The following RABGAP1L variants were observed in gnomAD, a reference collection of about 807,000 sequenced individuals.
RABGAP1L encodes rab GTPase-activating protein 1-like.
Under a neutral mutation model 137.7 loss-of-function variants are expected in RABGAP1L, and 63 were observed. The ratio of observed to expected loss-of-function variants is 0.46; its 90% confidence interval spans 0.37 to 0.56. RABGAP1L has a LOEUF of 0.56. Ranked by LOEUF, RABGAP1L falls within the 20% of genes least tolerant of loss-of-function variation. The pLI, the probability that RABGAP1L is intolerant of heterozygous loss-of-function variation, is 0.00. For missense variants in RABGAP1L, 1,095 were observed against 1,244.0 expected (o/e 0.88, Z 1.80); for synonymous variants, 431 against 433.7 (o/e 0.99, Z 0.08).
chr1:174,667,238 T>C (rs114369566), intron 14 of RABGAP1L, among the ~76,000 whole-genome samples: 1 of 152,282 alleles, frequency 6.6e-6, no homozygotes, highest in African/African-American at 2.4e-5. Flanking sequence ...CTTTTGAGGA[T>C]AGGATATCCT....
chr1:174,876,826 G>A (rs749752240), intron 19 of RABGAP1L, among the ~76,000 whole-genome samples: 11 of 151,872 alleles, frequency 7.2e-5, no homozygotes, highest in Non-Finnish European at 1.6e-4. Context: ...AATTGATATC[G>A]CTGTCCCTGT....
chr1:174,479,284 A>G (rs1658829658), intron 13 of RABGAP1L, among the ~76,000 whole-genome samples: 2 of 152,188 alleles, frequency 1.3e-5, no homozygotes, highest in African/African-American at 4.8e-5. Flanking sequence ...TTCCTAATGC[A>G]TTTGCCCAGT....
At chr1:174,902,836 A>G (rs1287885566) in intron 19 of RABGAP1L, among the ~76,000 whole-genome samples, 1 of 152,192 alleles carries the variant, frequency 6.6e-6, no homozygotes, top group African/African-American at 2.4e-5. Flanking sequence ...TTGCCTAGTC[A>G]GTCCCAGTGT....
chr1:174,390,963 A>C (rs917013967), intron 12 of RABGAP1L, among the ~76,000 whole-genome samples: 1 of 152,196 alleles, frequency 6.6e-6, no homozygotes, highest in Non-Finnish European at 1.5e-5. Context: ...AAAGGGCAAG[A>C]GTAAAGAGAG....
At chr1:174,475,696 A>G (rs943214547) in intron 13 of RABGAP1L, among the ~76,000 whole-genome samples, 1 of 149,416 alleles carries the variant, frequency 6.7e-6, no homozygotes, top group Non-Finnish European at 1.5e-5. Flanking sequence ...ACTTGAGCCC[A>G]GAAGTTCAAG....
intron 19 of RABGAP1L, chr1:174,877,562 A>G (rs1443476237): frequency 6.2e-7 from 1 of 1,613,792 alleles, no homozygotes; most frequent in Admixed American, 1.7e-5. Context: ...CACGATGAAG[A>G]CTTCCTCACT....
intron 13 of RABGAP1L, among the ~76,000 whole-genome samples, chr1:174,628,250 CAG>C (rs1175869754): frequency 6.6e-6 from 1 of 152,098 alleles, no homozygotes; most frequent in African/African-American, 2.4e-5. Context: ...GGAAATTAAA[CAG>C]AGTGTGTGTG....
At chr1:174,807,190 A>G (rs80324733) in intron 18 of RABGAP1L, among the ~76,000 whole-genome samples, 11,657 of 152,252 alleles carry the variant, frequency 0.077, 635 homozygotes, top group East Asian at 0.32. Flanking sequence ...ACTATAAATA[A>G]TGTAATAAAA....
intron 17 of RABGAP1L, among the ~76,000 whole-genome samples, chr1:174,734,009 G>A (rs189821243): frequency 1.2e-4 from 18 of 152,302 alleles, no homozygotes; most frequent in African/African-American, 3.6e-4. Flanking sequence ...TTAACTGTTC[G>A]TTGTGAGAGA....
chr1:174,296,259 A>G (rs938415131), intron 10 of RABGAP1L, among the ~76,000 whole-genome samples: 2 of 152,270 alleles, frequency 1.3e-5, no homozygotes, highest in African/African-American at 4.8e-5. Flanking sequence ...ATAGTGGGAC[A>G]GAAGTCAGAT....
rs1650641897 is a variant in RABGAP1L at position 174,863,452 on chromosome 1, T to A, written c.2340+51492T>A. Among the ~76,000 whole-genome samples the A allele has an allele frequency of 4.0e-5, 6 of 150,620 alleles. No homozygotes were observed. In the South Asian group the frequency reaches 1.3e-3, roughly 32 times the overall value. On this transcript the variant is annotated intron_variant, in intron 19 of 25. Transcript: ENST00000681986. ...ACTTTTGGAGGCCGAGGCGGGTGGA[T>A]CACGAGGTCAGGAGATCGAGACCAT...
At chr1:174,347,362 A>T (rs1682528103) in intron 11 of RABGAP1L, among the ~76,000 whole-genome samples, 1 of 151,978 alleles carries the variant, frequency 6.6e-6, no homozygotes, top group Non-Finnish European at 1.5e-5. Flanking sequence ...CTTTAGTTCT[A>T]ATATTTGGTT....
At chr1:174,682,459 T>TAAAAAAAAA (rs71743862) in intron 14 of RABGAP1L, among the ~76,000 whole-genome samples, 2 of 140,548 alleles carry the variant, frequency 1.4e-5, no homozygotes, top group African/African-American at 5.1e-5. Context: ...AAAAGTTGTT[T>TAAAAAAAAA]AAAAAAAAAA....
chr1:174,271,988 A>C (rs991361030), intron 7 of RABGAP1L, among the ~76,000 whole-genome samples: 1 of 151,892 alleles, frequency 6.6e-6, no homozygotes, highest in Admixed American at 6.6e-5. Flanking sequence ...GTTTGATGCA[A>C]AGAGAGCATA....
chr1:174,716,746 G>T (rs1348366421), intron 17 of RABGAP1L, among the ~76,000 whole-genome samples: 3 of 151,966 alleles, frequency 2.0e-5, no homozygotes, highest in Admixed American at 6.6e-5. Context: ...AGCCCATTTT[G>T]CTCTTCTTAG....
chr1:174,746,503 T>C (rs933077304), intron 17 of RABGAP1L, among the ~76,000 whole-genome samples: 7 of 152,218 alleles, frequency 4.6e-5, no homozygotes, highest in Non-Finnish European at 1.0e-4. Context: ...AAACAAATAA[T>C]AGAATTTAGT....
chr1:174,270,513 G>A (rs1465435001), intron 7 of RABGAP1L, among the ~76,000 whole-genome samples: 1 of 151,886 alleles, frequency 6.6e-6, no homozygotes, highest in Non-Finnish European at 1.5e-5. Flanking sequence ...TGGTTGATGG[G>A]TACTCTAAAA....
chr1:174,785,213 C>T (rs1793299), intron 18 of RABGAP1L, among the ~76,000 whole-genome samples: 5 of 152,042 alleles, frequency 3.3e-5, no homozygotes, highest in Admixed American at 1.3e-4. Context: ...TACAGGCATG[C>T]GCCGCCAATC....
chr1:174,562,920 G>C (rs1410005517), intron 13 of RABGAP1L, among the ~76,000 whole-genome samples: 1 of 152,068 alleles, frequency 6.6e-6, no homozygotes, highest in African/African-American at 2.4e-5. Flanking sequence ...GGGTTGTTGG[G>C]TGCAGCAAAC....
Sources: allele counts gnomAD v4.1 joint callset (sites outside exome capture counted in the v4.1 genomes callset), GRCh38; gene constraint gnomAD v4.1.1; transcripts MANE v1.5; gene names NCBI Gene and HGNC (gene_info 2026-07-23, HGNC 2026-07-21).